The following TEX36 variants were observed in gnomAD, a reference collection of about 807,000 sequenced individuals.
TEX36 encodes testis expressed 36.
In TEX36, 12 loss-of-function variants were observed where a neutral mutation model predicts 13.6. That is an observed-to-expected ratio of 0.88 (90% CI 0.56 to 1.43). TEX36 has a LOEUF of 1.43. Ranked by LOEUF, TEX36 falls within the 40% of genes most tolerant of loss-of-function variation. The probability of loss-of-function intolerance (pLI) is 0.00; values close to 1 mark genes in which losing one functional copy is unlikely to be tolerated. For synonymous variants in TEX36, 93 were observed against 83.0 expected (o/e 1.12, Z -0.65); for missense variants, 224 against 228.3 (o/e 0.98, Z 0.12).
chr10:125,636,791 G>A (rs1018428956), intron 3 of TEX36, among the ~76,000 whole-genome samples: 54 of 152,204 alleles, frequency 3.5e-4, no homozygotes, highest in African/African-American at 1.2e-3. Flanking sequence ...AACACTCAGC[G>A]TGAGATGCGT....
Position 125,656,004 on chromosome 10 carries a change from C to A in TEX36, c.457G>T (p.Ala153Ser), listed in dbSNP as rs547253739. Residue 153 changes from alanine (A) to serine (S), a missense_variant, in exon 4 of 4, where the codon GCT becomes TCT. Transcript: ENST00000368821. ...FPRCYKEIWN[A>S]FTFLPERSYT... ...CTTCTCTCAGGAAGAAATGTAAAAG[C>A]GTTCCATATCTCTTTATAGCATCGT... The A allele has an allele frequency of 1.2e-5, 19 of 1,551,690 alleles. No homozygotes were observed. Among genetic ancestry groups the A allele is most frequent in the Non-Finnish European group, 1.6e-5 (18 of 1,147,010 alleles).
At position 125,682,491 on chromosome 10, in the gene TEX36, A is replaced by G. The variant is rs143505539; in HGVS notation, c.51+448T>C. Among the ~76,000 whole-genome samples the G allele has an allele frequency of 3.3e-3, 497 of 152,302 alleles. 2 individuals carry two copies. The highest frequency in any genetic ancestry group is 0.01 in the African/African-American group (418 of 41,554). ...TTTCTAGTATAATATAATTACTTCA[A>G]CACATATGTATTGAGTGCCTTCTAT... On this transcript the variant is annotated intron_variant, in intron 1 of 3. Transcript: ENST00000368821.
downstream of TEX36, among the ~76,000 whole-genome samples, chr10:125,651,695 G>A (rs1302800843): frequency 6.6e-6 from 1 of 152,166 alleles, no homozygotes; most frequent in Admixed American, 6.5e-5. Flanking sequence ...TAGGAAAAGA[G>A]GAAGTCAAAT....
intron 3 of TEX36, among the ~76,000 whole-genome samples, chr10:125,614,971 G>A (rs1388101023): frequency 1.3e-5 from 2 of 152,156 alleles, no homozygotes; most frequent in Non-Finnish European, 2.9e-5. Context: ...GCAGTGGTTT[G>A]TAGTTCTCCT....
At chr10:125,586,102 G>T (rs149280263) in intron 3 of TEX36, among the ~76,000 whole-genome samples, 3 of 152,324 alleles carry the variant, frequency 2.0e-5, no homozygotes, top group African/African-American at 7.2e-5. Context: ...GACAGAGGCC[G>T]TCTGGGGCAT....
intron 3 of TEX36, among the ~76,000 whole-genome samples, chr10:125,643,519 G>C (rs560083347): frequency 1.3e-5 from 2 of 152,120 alleles, no homozygotes; most frequent in Non-Finnish European, 2.9e-5. Flanking sequence ...TGAGGAGGGC[G>C]GATCACGAGG....
Position 125,587,333 on chromosome 10 carries a change from C to A in TEX36, c.265-10459G>T, listed in dbSNP as rs188330761. ...CTGAGACCCCATCTGGGGAAAAAAG[C>A]GTTTTATGTTTTGTATTATCATGTT... On this transcript the variant is annotated intron_variant, in intron 3 of 3. Coordinates refer to the TEX36 transcript ENST00000532135. Among the ~76,000 whole-genome samples the A allele has an allele frequency of 7.2e-5, 11 of 152,150 alleles. No individual in the cohort carries two copies. In the East Asian group the frequency reaches 2.1e-3, roughly 29 times the overall value.
intron 3 of TEX36, among the ~76,000 whole-genome samples, chr10:125,585,382 G>A (rs530187418): frequency 6.6e-6 from 1 of 152,306 alleles, no homozygotes; most frequent in Admixed American, 6.5e-5. Flanking sequence ...TGGCACGTTG[G>A]TGTGCTGAGT....
At chr10:125,660,835 C>A (rs1297800433) in intron 3 of TEX36, among the ~76,000 whole-genome samples, 186 bp downstream of exon 3, 1 of 105,940 alleles carries the variant, frequency 9.4e-6, no homozygotes, top group Non-Finnish European at 2.1e-5. Flanking sequence ...ATCTTGAAAG[C>A]GGCGTGGAAT....
At chr10:125,641,262 A>C (rs184941330) in intron 3 of TEX36, among the ~76,000 whole-genome samples, 3 of 152,262 alleles carry the variant, frequency 2.0e-5, no homozygotes, top group African/African-American at 7.2e-5. Context: ...TCTAACAAAA[A>C]GAAGGCACAA....
At chr10:125,620,550 C>A (rs1429013370), downstream of TEX36, among the ~76,000 whole-genome samples, 1 of 152,218 alleles carries the variant, frequency 6.6e-6, no homozygotes, top group Admixed American at 6.5e-5. Context: ...TCACAACACA[C>A]CCCAGGCCAG....
chr10:125,674,038 G>T (rs537135141), intron 1 of TEX36, among the ~76,000 whole-genome samples: 1 of 152,192 alleles, frequency 6.6e-6, no homozygotes, highest in East Asian at 1.9e-4. Flanking sequence ...TGTTCTCTCT[G>T]TCTCTTTCAG....
At chr10:125,658,140 A>T (rs1168942289) in intron 3 of TEX36, among the ~76,000 whole-genome samples, 1 of 152,192 alleles carries the variant, frequency 6.6e-6, no homozygotes, top group Non-Finnish European at 1.5e-5. Context: ...GATTTTTTTT[A>T]AAACTCTGCT....
At chr10:125,608,269 T>A (rs1459934650) in intron 3 of TEX36, among the ~76,000 whole-genome samples, 1 of 122,618 alleles carries the variant, frequency 8.2e-6, no homozygotes, top group Non-Finnish European at 1.6e-5. Flanking sequence ...AAATGTCCTA[T>A]AGATTGTGAT....
intron 3 of TEX36, among the ~76,000 whole-genome samples, chr10:125,625,122 T>C (rs1846471904): frequency 6.6e-6 from 1 of 152,224 alleles, no homozygotes; most frequent in Admixed American, 6.5e-5. Context: ...AGGTGGCCCC[T>C]GGCTCAGCCA....
chr10:125,681,520 G>A lies in TEX36; in HGVS notation c.51+1419C>T, dbSNP rs563533843. Among the ~76,000 whole-genome samples, 4 of 152,298 alleles carry A rather than the reference G, an allele frequency of 2.6e-5. No homozygotes were observed. In the East Asian group the frequency reaches 7.7e-4, roughly 29 times the overall value. On this transcript the variant is annotated intron_variant, in intron 1 of 3. Transcript: ENST00000368821. The stretch of plus-strand genomic sequence containing the variant: ...GCTGCCAGGGAACTCAGAGTCAAAT[G>A]TGGTGCCCAAATATCTACCATATAA...
intron 3 of TEX36, among the ~76,000 whole-genome samples, chr10:125,582,484 C>T (rs971995375): frequency 1.1e-4 from 16 of 152,190 alleles, no homozygotes; most frequent in African/African-American, 3.9e-4. Flanking sequence ...ACATACCTAA[C>T]TTTAAGTTTG....
intron 3 of TEX36, among the ~76,000 whole-genome samples, chr10:125,582,717 T>A (rs1845898139): frequency 6.6e-6 from 1 of 152,216 alleles, no homozygotes; most frequent in Admixed American, 6.5e-5. Flanking sequence ...GAGCTCAAAG[T>A]CTTCTTGAAG....
chr10:125,672,281 CCTT>C (rs1847244577), intron 1 of TEX36, among the ~76,000 whole-genome samples: 1 of 152,242 alleles, frequency 6.6e-6, no homozygotes, highest in East Asian at 1.9e-4. Context: ...CTATAAGTTT[CCTT>C]CTTAACACTG....
Sources: allele counts gnomAD v4.1 joint callset (sites outside exome capture counted in the v4.1 genomes callset), GRCh38; gene constraint gnomAD v4.1.1; transcripts MANE v1.5; gene names NCBI Gene and HGNC (gene_info 2026-07-23, HGNC 2026-07-21).